The following GRHPR variants were observed in gnomAD, a reference collection of about 807,000 sequenced individuals.
The protein encoded by GRHPR is glyoxylate and hydroxypyruvate reductase.
GRHPR carries 35 observed loss-of-function variants against 36.8 expected under a neutral mutation model. That is an observed-to-expected ratio of 0.95 (90% CI 0.73 to 1.26). GRHPR has a LOEUF of 1.26. Ranked by LOEUF, GRHPR falls within the 50% of genes most tolerant of loss-of-function variation. The probability of loss-of-function intolerance (pLI) is 0.00; values close to 1 mark genes in which losing one functional copy is unlikely to be tolerated. For synonymous variants in GRHPR, 179 were observed against 181.0 expected (o/e 0.99, Z 0.09); for missense variants, 380 against 435.0 (o/e 0.87, Z 1.12).
intron 1 of GRHPR, among the ~76,000 whole-genome samples, chr9:37,423,166 C>CAT (rs1401596345): frequency 2.2e-5 from 3 of 137,052 alleles, no homozygotes; most frequent in African/African-American, 8.1e-5. Flanking sequence ...ATTTACTTAT[C>CAT]TTTTTTTTTT....
Position 37,425,897 on chromosome 9 carries a change from TAACAA to T in GRHPR, c.215-24_215-20del. Reference sequence around the variant, plus strand: ...CTTTGAGTTCCTCGAGGAAAGATACTAACAATGCACTTTCTGCACAACAGGGGCCA... The same window carrying T: ...CTTTGAGTTCCTCGAGGAAAGATACTTGCACTTTCTGCACAACAGGGGCCA... On this transcript the variant is annotated intron_variant, in intron 2 of 8. Transcript: ENST00000318158. 6.4e-7 allele frequency: 1 copy of T among 1,566,554 alleles called. No individual in the cohort carries two copies. Among genetic ancestry groups the T allele is most frequent in the South Asian group, 1.1e-5 (1 of 90,148 alleles).
Position 37,429,713 on chromosome 9 carries a change from T to C in GRHPR, c.494-19T>C. On this transcript the variant is annotated intron_variant, in intron 5 of 8. Transcript: ENST00000318158. ...CCTTTGCGGGACTGGGAACGAGACATGGACTCTCCTTGCTCTAGGCCAGGC... is the reference window on the plus strand; with the variant it reads ...CCTTTGCGGGACTGGGAACGAGACACGGACTCTCCTTGCTCTAGGCCAGGC... 1.3e-6 allele frequency: 2 copies of C among 1,540,182 alleles called. No individual in the cohort carries two copies. The highest frequency in any genetic ancestry group is 1.7e-4 in the Middle Eastern group (1 of 5,930).
In GRHPR at chr9:37,422,706, G is replaced by A. The variant is rs1822885440; in HGVS notation, c.-45G>A. 2 of 1,438,940 alleles carry A rather than the reference G, an allele frequency of 1.4e-6. No homozygotes were observed. Among genetic ancestry groups the A allele is most frequent in the Non-Finnish European group, 1.9e-6 (2 of 1,044,650 alleles). 89.1% of individuals were successfully genotyped at this position (1,438,940 alleles called of 1,614,324 possible). On this transcript the variant is annotated 5_prime_UTR_variant, in exon 1 of 9. Coordinates refer to ENST00000318158, the MANE Select transcript of GRHPR (RefSeq NM_012203.2). ...CGCCCCGGCCCAGCTACATTCCCGG[G>A]CCAGCTTCTGTACTGCCAGGTCCGG...
At chr9:37,434,970 G>C (rs1823571750) in intron 8 of GRHPR, 1 of 152,278 alleles carries the variant, frequency 6.6e-6, no homozygotes, top group South Asian at 2.1e-4. Flanking sequence ...GTTGGGGTGG[G>C]GCTGATTAGG....
intron 5 of GRHPR, chr9:37,429,290 G>A (rs1181621024): frequency 7.1e-6 from 2 of 281,700 alleles, no homozygotes; most frequent in Non-Finnish European, 1.4e-5. Flanking sequence ...TTGTAAGTTT[G>A]GGGTGAGCTG....
chr9:37,430,452 G>A (rs1823306035), intron 6 of GRHPR, 59 bp from the exon 7 acceptor site: 14 of 1,495,318 alleles, frequency 9.4e-6, no homozygotes, highest in Non-Finnish European at 8.4e-6. Flanking sequence ...CTGGTCTCCC[G>A]CCATCTGGTT....
intron 8 of GRHPR, chr9:37,432,406 G>T (rs766586146): frequency 2.5e-6 from 1 of 394,764 alleles, no homozygotes; most frequent in Non-Finnish European, 4.9e-6. Context: ...TGGGCCAGGC[G>T]TGGTGGCTCA....
chr9:37,424,989 G>A lies in GRHPR; in HGVS notation c.214+14G>A. On this transcript the variant is annotated intron_variant, in intron 2 of 8. Coordinates refer to ENST00000318158, the MANE Select transcript of GRHPR (RefSeq NM_012203.2). ...TGGATGCTGCAGGTGCACACTGGGT[G>A]GGCAGGGGACTTGAGGGTGGCTTGG... 1.2e-6 allele frequency: 2 copies of A among 1,611,042 alleles called. No individual in the cohort carries two copies. Among genetic ancestry groups the A allele is most frequent in the Non-Finnish European group, 1.7e-6 (2 of 1,179,574 alleles).
At chr9:37,433,183 C>CT (rs1286455746) in intron 8 of GRHPR, among the ~76,000 whole-genome samples, 2 of 151,850 alleles carry the variant, frequency 1.3e-5, no homozygotes, top group African/African-American at 4.8e-5. Flanking sequence ...AGAAGTGCCT[C>CT]TGGCAGTTGC....
At chr9:37,439,353 T>G (rs1823808474), downstream of GRHPR, 1 of 152,216 alleles carries the variant, frequency 6.6e-6, no homozygotes, top group African/African-American at 2.4e-5. Context: ...CTAGAAAATA[T>G]TTACCCATGA....
rs1473836715 is a variant in GRHPR, at chr9:37,429,746, C to T, written c.508C>T (p.Arg170Trp). 1.2e-6 allele frequency: 2 copies of T among 1,611,556 alleles called. No homozygotes were observed. The highest frequency in any genetic ancestry group is 1.7e-5 in the Admixed American group (1 of 59,998). ...GLGRIGQAIA[R>W]RLKPFGVQRF... is the part of the protein sequence containing the mutation. ...CCTTGCTCTAGGCCAGGCCATTGCT[C>T]GGCGTCTGAAACCATTCGGTGTCCA... is the stretch of plus-strand genomic sequence containing the variant. Residue 170 changes from arginine to tryptophan, a missense_variant, in exon 6 of 9, where the codon CGG becomes TGG. By Grantham distance (101) the Arg-to-Trp change is moderately radical. Coordinates refer to ENST00000318158, the MANE Select transcript of GRHPR (RefSeq NM_012203.2).
chr9:37,425,218 G>C (rs1823025758), intron 2 of GRHPR, among the ~76,000 whole-genome samples: 1 of 152,234 alleles, frequency 6.6e-6, no homozygotes, highest in African/African-American at 2.4e-5. Flanking sequence ...GTGGGTGTGG[G>C]GAAGTGCATC....
chr9:37,431,151 G>A, intron 7 of GRHPR: 1 of 401,278 alleles, frequency 2.5e-6, no homozygotes, highest in Non-Finnish European at 5.1e-6. Context: ...CATGTATGGA[G>A]GTCAGACCTT....
chr9:37,424,966 G>T lies in GRHPR; in HGVS notation c.205G>T (p.Asp69Tyr), dbSNP rs1228834766. The T allele has an allele frequency of 3.7e-6, 6 of 1,612,454 alleles. No homozygotes were observed. The highest frequency in any genetic ancestry group is 5.1e-6 in the Non-Finnish European group (6 of 1,179,922). ...LSDHVDKRILDAAGANLKVIS... is the reference protein window; with the variant it reads ...LSDHVDKRILYAAGANLKVIS... ...CGACCACGTGGACAAGAGGATCCTG[G>T]ATGCTGCAGGTGCACACTGGGTGGG... The change falls in exon 2 of 9, where the codon GAT becomes TAT. Residue 69 changes from aspartate to tyrosine, a missense_variant. Physicochemically the swap from Asp to Tyr is radical, Grantham distance 160. Transcript: ENST00000318158.
intron 8 of GRHPR, among the ~76,000 whole-genome samples, chr9:37,433,548 C>T (rs546946161): frequency 7.2e-5 from 11 of 152,014 alleles, no homozygotes; most frequent in African/African-American, 1.7e-4. Context: ...CTTTTGAGTT[C>T]GTCAGAATCA....
chr9:37,436,282 G>T (rs1478174104), intron 8 of GRHPR, among the ~76,000 whole-genome samples: 1 of 152,260 alleles, frequency 6.6e-6, no homozygotes, highest in South Asian at 2.1e-4. Flanking sequence ...CTAAATTTTT[G>T]TATTTTTTGT....
chr9:37,426,131 C>A, intron 3 of GRHPR, 137 bp downstream of exon 3: 1 of 710,008 alleles, frequency 1.4e-6, no homozygotes. Flanking sequence ...TAGAATCTGT[C>A]CACATGTGCA....
intron 5 of GRHPR, 35 bp from the exon 6 acceptor site, chr9:37,429,697 G>C (rs1321079252): frequency 7.2e-7 from 1 of 1,380,726 alleles, no homozygotes; most frequent in East Asian, 2.3e-5. Flanking sequence ...CCCTTTGCGG[G>C]ACTGGGAACG....
At position 37,436,820 on chromosome 9, in the gene GRHPR, G is replaced by A. The variant is rs1564305872; in HGVS notation, c.*38G>A. On this transcript the variant is annotated 3_prime_UTR_variant, in exon 9 of 9. Coordinates refer to ENST00000318158, the MANE Select transcript of GRHPR (RefSeq NM_012203.2). ...GATGGAGGGCCGGGAAGCAAACCGT[G>A]CCCTGGTATTGTCAGACACACCCAG... 2 of 1,612,646 alleles carry A rather than the reference G, an allele frequency of 1.2e-6. No individual in the cohort carries two copies. Among genetic ancestry groups the A allele is most frequent in the Admixed American group, 3.3e-5 (2 of 60,008 alleles).
Sources: allele counts gnomAD v4.1 joint callset (sites outside exome capture counted in the v4.1 genomes callset), GRCh38; gene constraint gnomAD v4.1.1; transcripts MANE v1.5; gene names NCBI Gene and HGNC (gene_info 2026-07-23, HGNC 2026-07-21).